ACTL8: variants seen among roughly 807,000 people sequenced by gnomAD.
ACTL8 encodes the protein actin-like protein 8.
Under a neutral mutation model 9.3 loss-of-function variants are expected in ACTL8, and 3 were observed. That is an observed-to-expected ratio of 0.32 (90% CI 0.15 to 0.83). The LOEUF (loss-of-function observed/expected upper bound fraction) is 0.83, where lower values mean the gene tolerates loss of function less well. Among genes scored for constraint, ACTL8 ranks in the 40% least tolerant of loss-of-function variants. The probability of loss-of-function intolerance (pLI) is 0.57; values close to 1 mark genes in which losing one functional copy is unlikely to be tolerated. For synonymous variants in ACTL8, 224 were observed against 205.9 expected, an observed-to-expected ratio of 1.09 and a Z score of -0.75; for missense variants, 381 against 492.2, an observed-to-expected ratio of 0.77 and a Z score of 2.14.
At position 17,826,063 on chromosome 1, in the gene ACTL8, G is replaced by A. The variant is rs371142860; in HGVS notation, c.645G>A (p.Pro215=). ...CTCAGATGAACAAGTGCTACGTGCC[G>A]CAGAATCTGGGGGAGGCCCTGGACT... The part of the protein sequence containing the change: ...AVTQMNKCYV[P]QNLGEALDFR... The change falls in exon 3 of 3, where the codon CCG becomes CCA. Residue 215 remains proline (P), a synonymous_variant. Coordinates refer to ENST00000375406, the MANE Select transcript of ACTL8 (RefSeq NM_030812.3). The surrounding 1 kb of genome is among the most constrained non-coding windows in gnomAD (Gnocchi z 4.5). 18 of 1,606,904 alleles carry A rather than the reference G, an allele frequency of 1.1e-5. No individual in the cohort carries two copies. The East Asian group carries it at 1.8e-4, about 16-fold the overall frequency.
At chr1:17,800,790 TTGA>T (rs1177434695) in intron 1 of ACTL8, among the ~76,000 whole-genome samples, 1 of 151,892 alleles carries the variant, frequency 6.6e-6, no homozygotes, top group Non-Finnish European at 1.5e-5. Flanking sequence ...AGTCTGGGTT[TTGA>T]TATGTTGGCC....
intron 1 of ACTL8, among the ~76,000 whole-genome samples, chr1:17,777,022 C>A (rs963781292): frequency 1.6e-5 from 2 of 124,572 alleles, no homozygotes; most frequent in African/African-American, 3.2e-5. Flanking sequence ...GGGGGTCTTG[C>A]CATGTTGCCC....
intron 1 of ACTL8, among the ~76,000 whole-genome samples, chr1:17,782,568 C>G (rs1332885976): frequency 1.3e-5 from 2 of 152,168 alleles, no homozygotes; most frequent in Non-Finnish European, 2.9e-5. Context: ...GGGACCATAA[C>G]ATACGTAACG....
chr1:17,757,018 A>C (rs186943970), intron 1 of ACTL8, among the ~76,000 whole-genome samples: 1 of 152,142 alleles, frequency 6.6e-6, no homozygotes. Flanking sequence ...TAATCCCAAC[A>C]CTTTGGGAGG....
chr1:17,760,728 G>A (rs35999769), intron 1 of ACTL8, among the ~76,000 whole-genome samples: 4,316 of 152,290 alleles, frequency 0.028, 85 homozygotes, highest in Middle Eastern at 0.065. Flanking sequence ...CCTCAGAGGA[G>A]TGGGTGGACA....
chr1:17,771,545 G>T (rs1371989484), intron 1 of ACTL8, among the ~76,000 whole-genome samples: 1 of 152,110 alleles, frequency 6.6e-6, no homozygotes, highest in Non-Finnish European at 1.5e-5. Context: ...GACTTGGTTT[G>T]GGGGAAGGAG....
Position 17,792,260 on chromosome 1 carries a change from A to G in ACTL8, c.-24-30725A>G, listed in dbSNP as rs544120809. Among the ~76,000 whole-genome samples, 10 of 152,262 alleles carry G rather than the reference A, an allele frequency of 6.6e-5. No individual in the cohort carries two copies. In the South Asian group the frequency reaches 2.1e-3, roughly 32 times the overall value. ...CAGTCATCCCGACTCTGACCTTCCT[A>G]ACGGATGTGTTTTTAACCCTTCTTG... On this transcript the variant is annotated intron_variant, in intron 1 of 2. Transcript: ENST00000375406.
At chr1:17,775,034 T>C (rs2066109712) in intron 1 of ACTL8, among the ~76,000 whole-genome samples, 1 of 152,018 alleles carries the variant, frequency 6.6e-6, no homozygotes, top group South Asian at 2.1e-4. Context: ...AGGTGCTCCT[T>C]GCTCCTTCCC....
chr1:17,774,318 G>A (rs2066103432), intron 1 of ACTL8, among the ~76,000 whole-genome samples: 1 of 152,158 alleles, frequency 6.6e-6, no homozygotes, highest in Non-Finnish European at 1.5e-5. Context: ...CACGCTGGGG[G>A]GTGGGGGCGG....
In ACTL8 at chr1:17,767,917, T is replaced by C. The variant is rs2066056719; in HGVS notation, c.-25+12413T>C. Among the ~76,000 whole-genome samples the C allele has an allele frequency of 6.6e-6, 1 of 151,994 alleles. No individual in the cohort carries two copies. Among genetic ancestry groups the C allele is most frequent in the Admixed American group, 6.6e-5 (1 of 15,258 alleles). ...CCCCAGCCTCCCTGGGTGTGCAGAA[T>C]GGGTGCTCGTGAATCCCTCTGGTGG... is the stretch of plus-strand genomic sequence containing the variant. On this transcript the variant is annotated intron_variant, in intron 1 of 2. Transcript: ENST00000375406. This position sits in a 1 kb window ranked among gnomAD's most constrained non-coding sequence, Gnocchi z 4.7.
At chr1:17,763,359 G>A (rs893689015) in intron 1 of ACTL8, among the ~76,000 whole-genome samples, 8 of 82,594 alleles carry the variant, frequency 9.7e-5, no homozygotes, top group African/African-American at 1.9e-4. Context: ...ACGGGGTAGC[G>A]TGGGGGTGCT....
intron 1 of ACTL8, among the ~76,000 whole-genome samples, chr1:17,797,267 G>A (rs1745816): frequency 6.6e-6 from 1 of 152,140 alleles, no homozygotes; most frequent in East Asian, 1.9e-4. Flanking sequence ...CGGTGATGCC[G>A]ATGTTGTGCC....
chr1:17,825,263 CTT>C (rs2053704549), intron 2 of ACTL8, among the ~76,000 whole-genome samples: 1 of 144,612 alleles, frequency 6.9e-6, no homozygotes, highest in African/African-American at 2.8e-5. Flanking sequence ...TTTCTTTTTT[CTT>C]TTCTTTTCTT....
At chr1:17,820,550 C>T (rs972919515) in intron 1 of ACTL8, among the ~76,000 whole-genome samples, 7 of 150,234 alleles carry the variant, frequency 4.7e-5, no homozygotes, top group Admixed American at 2.0e-4. Context: ...GCAGGTCATA[C>T]GGTAGGTGTA....
At chr1:17,825,032 A>G (rs752802356) in intron 2 of ACTL8, among the ~76,000 whole-genome samples, 65 of 137,420 alleles carry the variant, frequency 4.7e-4, no homozygotes, top group African/African-American at 1.7e-3. Flanking sequence ...TTCTGCTTCT[A>G]TGGGATTAGA....
intron 1 of ACTL8, among the ~76,000 whole-genome samples, chr1:17,778,862 G>A (rs186314597): frequency 6.6e-6 from 1 of 152,140 alleles, no homozygotes; most frequent in South Asian, 2.1e-4. Flanking sequence ...TTTGGTGCTC[G>A]TGTGTTGGGC....
intron 2 of ACTL8, 145 bp from the exon 3 acceptor site, chr1:17,825,622 C>A: frequency 1.9e-6 from 2 of 1,054,164 alleles, no homozygotes; most frequent in Non-Finnish European, 2.7e-6. Flanking sequence ...GCATTATCCT[C>A]ACTGCATAAG....
chr1:17,772,054 C>T (rs1183220750), intron 1 of ACTL8, among the ~76,000 whole-genome samples: 1 of 152,160 alleles, frequency 6.6e-6, no homozygotes, highest in Non-Finnish European at 1.5e-5. Flanking sequence ...CAGCGCTAAC[C>T]TTCGCTGTGG....
chr1:17,788,013 C>G (rs925783542), intron 1 of ACTL8, among the ~76,000 whole-genome samples: 13 of 152,168 alleles, frequency 8.5e-5, no homozygotes, highest in African/African-American at 3.1e-4. Flanking sequence ...GGCTGAGCAG[C>G]CTTTCATCTG....
Sources: allele counts gnomAD v4.1 joint callset (sites outside exome capture counted in the v4.1 genomes callset), GRCh38; gene constraint gnomAD v4.1.1; non-coding constraint Gnocchi (gnomAD v3.1); transcripts MANE v1.5; gene names NCBI Gene and HGNC (gene_info 2026-07-23, HGNC 2026-07-21).